Variants in ASB10 observed in about 807,000 individuals in gnomAD.
ASB10 encodes the protein ankyrin repeat and SOCS box protein 10.
A neutral mutation model predicts 35.4 loss-of-function variants in ASB10; 44 were observed. That is an observed-to-expected ratio of 1.24 (90% CI 0.98 to 1.60). ASB10 has a LOEUF of 1.60. ASB10 is among the 40% of genes most tolerant of loss of function. ASB10 has a pLI of 0.00. For synonymous variants in ASB10, 294 were observed against 280.4 expected, an observed-to-expected ratio of 1.05 and a Z score of -0.49; for missense variants, 647 against 634.3, an observed-to-expected ratio of 1.02 and a Z score of -0.22.
chr7:151,187,213 G>T lies in ASB10; in HGVS notation c.-83C>A, dbSNP rs1172349988. Reference sequence around the variant, plus strand: ...AGAGAGAGAGCAGGAGGGAAATACAGACAGACAGAAGGCCCCTGTGTCCCA... The same window carrying T: ...AGAGAGAGAGCAGGAGGGAAATACATACAGACAGAAGGCCCCTGTGTCCCA... On this transcript the variant is annotated 5_prime_UTR_variant, in exon 1 of 6. It adds an upstream start codon to the 5' untranslated region. Transcript: ENST00000420175. This position sits in a 1 kb window ranked among gnomAD's most constrained non-coding sequence, Gnocchi z 5.3. The T allele has an allele frequency of 1.9e-6, 3 of 1,542,456 alleles. No individual in the cohort carries two copies. Among genetic ancestry groups the T allele is most frequent in the Non-Finnish European group, 2.6e-6 (3 of 1,142,424 alleles).
chr7:151,176,759 C>A, intron 3 of ASB10, 83 bp from the exon 4 acceptor site: 1 of 979,084 alleles, frequency 1.0e-6, no homozygotes, highest in East Asian at 2.7e-5. Flanking sequence ...GTGGGTTGAA[C>A]TTTGTTCCCC....
At chr7:151,187,307 G>T (rs545553961), upstream of ASB10, 171 of 1,508,172 alleles carry the variant, frequency 1.1e-4, no homozygotes, top group Non-Finnish European at 1.4e-4. This position sits in a 1 kb window ranked among gnomAD's most constrained non-coding sequence, Gnocchi z 5.3. Flanking sequence ...TGTGTTCTTG[G>T]GCCAAGGTGT....
In ASB10 at chr7:151,186,763, T is replaced by C. The variant is rs1405620712; in HGVS notation, c.316+52A>G. 4 of 1,534,698 alleles carry C rather than the reference T, an allele frequency of 2.6e-6. No homozygotes were observed. The East Asian group carries it at 6.9e-5, about 26-fold the overall frequency. ...CAGGAAGAGGGAGCCCAGAGCTCCA[T>C]CTGCAGCCTCCCCTCTCTCCCACTG... On this transcript the variant is annotated intron_variant, in intron 1 of 5. Transcript: ENST00000420175.
upstream of ASB10, chr7:151,187,405 A>C (rs1801622336): frequency 2.6e-6 from 4 of 1,550,302 alleles, no homozygotes; most frequent in South Asian, 4.8e-5. This position sits in a 1 kb window ranked among gnomAD's most constrained non-coding sequence, Gnocchi z 5.3. Flanking sequence ...TGGCCGAGGC[A>C]GTCAGCCCAG....
At chr7:151,184,469 T>C (rs9987066) in intron 2 of ASB10, among the ~76,000 whole-genome samples, 14,645 of 151,456 alleles carry the variant, frequency 0.097, 1,024 homozygotes, top group African/African-American at 0.2. Flanking sequence ...GAAGACATCA[T>C]GCTAAGTGGA....
At position 151,176,293 on chromosome 7, in the gene ASB10, T is replaced by C; in HGVS notation, c.1223A>G (p.His408Arg). Reference sequence around the variant, plus strand: ...GAAGAGGGAGGAGTAGAAACGCTGATGTTTCTGGGGGCAGAACAAGGGGCT... The same window carrying C: ...GAAGAGGGAGGAGTAGAAACGCTGACGTTTCTGGGGGCAGAACAAGGGGCT... ...GLVTPETLQK[H>R]QRFYSSLFAL... The change falls in exon 5 of 6, where the codon CAT becomes CGT. Residue 408 changes from histidine to arginine, a missense_variant. Transcript: ENST00000420175. 6.5e-7 allele frequency: 1 copy of C among 1,544,004 alleles called. No individual in the cohort carries two copies. The highest frequency in any genetic ancestry group is 1.3e-5 in the South Asian group (1 of 79,284).
Position 151,181,025 on chromosome 7 carries a change from C to CA in ASB10, c.1017dup (p.Ala340CysfsTer64), listed in dbSNP as rs962961077. On this transcript the variant is annotated frameshift_variant, in exon 3 of 6. Coordinates refer to ENST00000420175, the MANE Select transcript of ASB10 (RefSeq NM_001142459.2). LOFTEE classifies it high-confidence loss of function. ...TGCTCGGGGCTCTGGGCCAGGGCTG[C>CA]AGCTGGGCCCTGCAGAGCACAGTGC... The CA allele has an allele frequency of 5.0e-6, 8 of 1,607,458 alleles. No individual in the cohort carries two copies. Among genetic ancestry groups the CA allele is most frequent in the Non-Finnish European group, 6.8e-6 (8 of 1,176,174 alleles).
At chr7:151,180,306 T>C (rs963608814) in intron 3 of ASB10, among the ~76,000 whole-genome samples, 6 of 152,188 alleles carry the variant, frequency 3.9e-5, no homozygotes, top group East Asian at 1.9e-4. Context: ...GGATATAAAT[T>C]GAAATTGACA....
At position 151,186,398 on chromosome 7, in the gene ASB10, G is replaced by C; in HGVS notation, c.578C>G (p.Thr193Ser). Residue 193 changes from threonine to serine, a missense_variant, in exon 2 of 6, where the codon ACC becomes AGC. Transcript: ENST00000420175. Reference sequence around the variant, plus strand: ...GGGGTGAGGGGTCACTCACTCAAGGGTGCCAGGCCCCCGGCAGAGATGCAG... The same window carrying C: ...GGGGTGAGGGGTCACTCACTCAAGGCTGCCAGGCCCCCGGCAGAGATGCAG... Reference protein sequence around the residue: ...RPLHLCRGPGTLECAELLLRF... With the variant: ...RPLHLCRGPGSLECAELLLRF... 6.3e-7 allele frequency: 1 copy of C among 1,585,378 alleles called. No homozygotes were observed.
intron 4 of ASB10, 106 bp from the exon 5 acceptor site, chr7:151,176,403 C>T (rs936188600): frequency 1.4e-6 from 2 of 1,465,554 alleles, no homozygotes; most frequent in East Asian, 2.5e-5. Flanking sequence ...CCGGAAGGAA[C>T]CTATTAGAAA....
At chr7:151,180,027 C>G (rs1801456290) in intron 3 of ASB10, among the ~76,000 whole-genome samples, 1 of 152,194 alleles carries the variant, frequency 6.6e-6, no homozygotes, top group Admixed American at 6.5e-5. Flanking sequence ...AGGGGAGAGG[C>G]TGGGATAGCA....
chr7:151,178,872 T>C (rs1801436315), intron 3 of ASB10, among the ~76,000 whole-genome samples: 1 of 152,084 alleles, frequency 6.6e-6, no homozygotes, highest in South Asian at 2.1e-4. Context: ...CCAACTCTCC[T>C]CTCCACCTGC....
At chr7:151,184,663 T>C (rs1801553872) in intron 2 of ASB10, among the ~76,000 whole-genome samples, 1 of 151,924 alleles carries the variant, frequency 6.6e-6, no homozygotes, top group Non-Finnish European at 1.5e-5. Context: ...AGTTTGGAGA[T>C]GGATGGTGGC....
In ASB10 at chr7:151,187,171, GC is replaced by G; in HGVS notation, c.-42del. 1 of 1,549,970 alleles carries G rather than the reference GC, an allele frequency of 6.5e-7. No individual in the cohort carries two copies. The highest frequency in any genetic ancestry group is 8.7e-7 in the Non-Finnish European group (1 of 1,146,464). The stretch of plus-strand genomic sequence containing the variant: ...GGAGTGGGGAGGAGGAGAGGTATAT[GC>G]CAAAGGCAGAGAGAGAGAGAGAGAG... On this transcript the variant is annotated 5_prime_UTR_variant, in exon 1 of 6. Coordinates refer to ENST00000420175, the MANE Select transcript of ASB10 (RefSeq NM_001142459.2). This position sits in a 1 kb window ranked among gnomAD's most constrained non-coding sequence, Gnocchi z 5.3.
chr7:151,181,514 C>G, intron 2 of ASB10, 56 bp from the exon 3 acceptor site: 1 of 1,516,160 alleles, frequency 6.6e-7, no homozygotes, highest in Non-Finnish European at 8.8e-7. Context: ...CTGGCAGGAA[C>G]ACACTTGGGT....
chr7:151,177,268 C>G (rs146833890), intron 3 of ASB10, among the ~76,000 whole-genome samples: 1 of 152,270 alleles, frequency 6.6e-6, no homozygotes, highest in South Asian at 2.1e-4. Flanking sequence ...CATGTATGAA[C>G]TCTTCACTGT....
At chr7:151,186,765 T>G (rs1287830202) in intron 1 of ASB10, 50 bp downstream of exon 1, 1 of 1,535,864 alleles carries the variant, frequency 6.5e-7, no homozygotes, top group East Asian at 2.3e-5. Context: ...GAGCTCCATC[T>G]GCAGCCTCCC....
rs1801394425 is a variant in ASB10 at position 151,176,622 on chromosome 7, A to G, written c.1159T>C (p.Tyr387His). The stretch of plus-strand genomic sequence containing the variant: ...TCCTCGGGAAGCTGCACAACACTGT[A>G]GGTGTTCATCAGGACCTCGATGGTC... ...PRTIEVLMNTYSVVQLPEEAV... is the reference protein window; with the variant it reads ...PRTIEVLMNTHSVVQLPEEAV... Residue 387 changes from tyrosine to histidine, a missense_variant, in exon 4 of 6, where the codon TAC (tyrosine) becomes CAC (histidine). Physicochemically the swap from Tyr to His is moderately conservative, Grantham distance 83 (BLOSUM62 2). Transcript: ENST00000420175. 1 of 1,551,448 alleles carries G rather than the reference A, an allele frequency of 6.4e-7. No homozygotes were observed. The highest frequency in any genetic ancestry group is 8.7e-7 in the Non-Finnish European group (1 of 1,146,970).
At position 151,181,362 on chromosome 7, in the gene ASB10, A is replaced by T. The variant is rs1296221039; in HGVS notation, c.681T>A (p.His227Gln). The T allele has an allele frequency of 3.7e-6, 6 of 1,613,042 alleles. No homozygotes were observed. The highest frequency in any genetic ancestry group is 1.7e-5 in the Admixed American group (1 of 60,028). The change falls in exon 3 of 6, where the codon CAT becomes CAA. Residue 227 changes from histidine to glutamine, a missense_variant. Transcript: ENST00000420175. ...TPLHVAARLG[H>Q]VELADLLLRR... is the part of the protein sequence containing the mutation. ...TTAGAAGCAGATCTGCCAGCTCCAC[A>T]TGGCCAAGCCGGGCGGCCACATGCA...
Sources: gnomAD v4.1 joint callset for allele counts (sites outside exome capture counted in the v4.1 genomes callset) on GRCh38, gnomAD v4.1.1 for gene constraint, Gnocchi (gnomAD v3.1) non-coding constraint, MANE v1.5 for transcripts, NCBI Gene and HGNC (gene_info 2026-07-23, HGNC 2026-07-21) for gene names.